Variants in SH3BP2 observed in about 807,000 individuals in gnomAD.
SH3BP2 encodes SH3 domain binding protein 2, also known as SH3 domain-binding protein 2.
In SH3BP2, 38 loss-of-function variants were observed where a neutral mutation model predicts 56.2. The ratio of observed to expected loss-of-function variants is 0.68; its 90% confidence interval spans 0.52 to 0.89. The LOEUF is 0.89. SH3BP2 is among the 40% of genes least tolerant of loss of function. The pLI, the probability that SH3BP2 is intolerant of heterozygous loss-of-function variation, is 0.00. For missense variants in SH3BP2, 748 were observed against 762.6 expected, an observed-to-expected ratio of 0.98 and a Z score of 0.23; for synonymous variants, 346 against 316.7, an observed-to-expected ratio of 1.09 and a Z score of -0.98.
intron 1 of SH3BP2, among the ~76,000 whole-genome samples, chr4:2,801,602 G>A (rs566367334): frequency 2.6e-5 from 4 of 152,280 alleles, no homozygotes; most frequent in Admixed American, 6.5e-5. Flanking sequence ...CTGGCCTGTC[G>A]CCTTGAGCCC....
chr4:2,802,508 GTA>G (rs1723334534), intron 1 of SH3BP2, among the ~76,000 whole-genome samples: 1 of 115,974 alleles, frequency 8.6e-6, no homozygotes, highest in African/African-American at 3.5e-5. Flanking sequence ...ATATATGTTT[GTA>G]TATATGTGTA....
intron 1 of SH3BP2, among the ~76,000 whole-genome samples, chr4:2,811,375 C>G (rs1330107168): frequency 6.6e-6 from 1 of 152,218 alleles, no homozygotes; most frequent in Non-Finnish European, 1.5e-5. Context: ...CTGTCACCCT[C>G]AAATCCTGCT....
At chr4:2,806,987 C>A (rs914827706) in intron 1 of SH3BP2, among the ~76,000 whole-genome samples, 1 of 152,242 alleles carries the variant, frequency 6.6e-6, no homozygotes, top group Non-Finnish European at 1.5e-5. Flanking sequence ...TTCTTAATTC[C>A]CTTTGTCCGT....
At chr4:2,794,758 G>A (rs943585103) in intron 1 of SH3BP2, among the ~76,000 whole-genome samples, 1 of 152,244 alleles carries the variant, frequency 6.6e-6, no homozygotes, top group African/African-American at 2.4e-5. Context: ...AGGGAGGACA[G>A]GCTCTGGGCC....
intron 1 of SH3BP2, chr4:2,818,425 C>A: frequency 8.9e-7 from 1 of 1,124,602 alleles, no homozygotes; most frequent in Non-Finnish European, 1.1e-6. Flanking sequence ...AGCCCCGGGA[C>A]CCGGGCCGCG....
chr4:2,804,863 C>T (rs576406618), intron 1 of SH3BP2, among the ~76,000 whole-genome samples: 17 of 152,242 alleles, frequency 1.1e-4, no homozygotes, highest in Non-Finnish European at 1.9e-4. Context: ...ACACTAGCCA[C>T]GCTGGCTGGG....
At position 2,831,866 on chromosome 4, in the gene SH3BP2, G is replaced by C; in HGVS notation, c.1351-57G>C. On this transcript the variant is annotated intron_variant, in intron 9 of 12. Transcript: ENST00000503393. The surrounding 1 kb of genome is among the most constrained non-coding windows in gnomAD (Gnocchi z 4.1). ...GCACCGGGTGGCCACCGTCCGGGGA[G>C]TGGTGGTGCGGGTGGATCACTCCGA... 2 of 1,575,848 alleles carry C rather than the reference G, an allele frequency of 1.3e-6. No homozygotes were observed. The highest frequency in any genetic ancestry group is 1.7e-6 in the Non-Finnish European group (2 of 1,149,516).
chr4:2,805,128 G>A (rs1253346463), intron 1 of SH3BP2, among the ~76,000 whole-genome samples: 2 of 152,212 alleles, frequency 1.3e-5, no homozygotes, highest in African/African-American at 2.4e-5. Flanking sequence ...GGAGGGTCTG[G>A]TTGGCGGGAG....
rs1723773349 is a variant in SH3BP2, at chr4:2,812,120, G to A, written c.-4-8494G>A. On this transcript the variant is annotated intron_variant, in intron 1 of 12. Transcript: ENST00000503393. ...CACAGGATGGGAGGGCAGGAGCAGT[G>A]GAAGGTAGGAGTTAAAACCCGGATG... 3.9e-5 allele frequency: 52 copies of A among 1,316,620 alleles called. No individual in the cohort carries two copies. The South Asian group carries it at 7.4e-4, about 19-fold the overall frequency. 81.6% of individuals were successfully genotyped at this position (1,316,620 alleles called of 1,614,324 possible). A position where few individuals can be genotyped will look rare whatever the true frequency, so the allele number is the denominator to read the frequency against.
At chr4:2,833,642 T>G in intron 12 of SH3BP2, 55 bp from the exon 13 acceptor site, 1 of 1,577,152 alleles carries the variant, frequency 6.3e-7, no homozygotes, top group South Asian at 1.2e-5. Flanking sequence ...GACTGAGGCC[T>G]AGAGCCGCAG....
At chr4:2,812,539 C>A (rs568220728) in intron 1 of SH3BP2, 20 of 1,514,108 alleles carry the variant, frequency 1.3e-5, no homozygotes, top group Non-Finnish European at 1.8e-5. Context: ...ACCTGAAGAA[C>A]CAGTAAGGGG....
intron 1 of SH3BP2, chr4:2,818,582 G>T: frequency 2.0e-6 from 1 of 512,568 alleles, no homozygotes; most frequent in Non-Finnish European, 2.7e-6. Flanking sequence ...GCCGGCACGG[G>T]GCTTGTCGAT....
In SH3BP2 at chr4:2,801,395, T is replaced by C. The variant is rs185163598; in HGVS notation, c.-5+8257T>C. On this transcript the variant is annotated intron_variant, in intron 1 of 12. Coordinates refer to ENST00000503393, the MANE Select transcript of SH3BP2 (RefSeq NM_001122681.2). ...CAGGCTGAGGAGGAACACACAGCTC[T>C]CGGTTCCCCAACCCGGGGTCTGGCC... is the stretch of plus-strand genomic sequence containing the variant. Among the ~76,000 whole-genome samples, 407 of 152,322 alleles carry C rather than the reference T, an allele frequency of 2.7e-3. 1 individual carries two copies. Among genetic ancestry groups the C allele is most frequent in the South Asian group, 0.014 (70 of 4,832 alleles).
At chr4:2,811,648 A>G (rs1223671290) in intron 1 of SH3BP2, 1 of 154,200 alleles carries the variant, frequency 6.5e-6, no homozygotes, top group East Asian at 1.9e-4. Flanking sequence ...CCACTCAGCC[A>G]TAATGTACTT....
chr4:2,818,569 C>G, intron 1 of SH3BP2: 1 of 500,076 alleles, frequency 2.0e-6, no homozygotes, highest in Non-Finnish European at 2.8e-6. Flanking sequence ...ATGGGGGACT[C>G]AGGCCGGCAC....
In SH3BP2 at chr4:2,839,408, G is replaced by A. The variant is rs533872377; in HGVS notation, c.*5574G>A. The A allele has an allele frequency of 2.6e-5, 4 of 152,276 alleles. No individual in the cohort carries two copies. The highest frequency in any genetic ancestry group is 5.9e-5 in the Non-Finnish European group (4 of 68,028). 9.4% of individuals were successfully genotyped at this position (152,276 alleles called of 1,614,324 possible). A position where few individuals can be genotyped will look rare whatever the true frequency, so the allele number is the denominator to read the frequency against. ...TGCTCTCAAACTCTTGAGCTCAAGCGATCTGCTGGCCTCAGCCTCCCAAAG... is the reference window on the plus strand; with the variant it reads ...TGCTCTCAAACTCTTGAGCTCAAGCAATCTGCTGGCCTCAGCCTCCCAAAG... On this transcript the variant is annotated 3_prime_UTR_variant, in exon 13 of 13. Coordinates refer to ENST00000503393, the MANE Select transcript of SH3BP2 (RefSeq NM_001122681.2).
intron 1 of SH3BP2, chr4:2,812,459 G>T (rs1472325207): frequency 6.5e-7 from 1 of 1,550,298 alleles, no homozygotes. Context: ...AGGGCCATGT[G>T]TTGGGTCAGC....
intron 1 of SH3BP2, among the ~76,000 whole-genome samples, chr4:2,797,864 C>A (rs771049535): frequency 2.6e-5 from 4 of 152,212 alleles, no homozygotes; most frequent in Non-Finnish European, 5.9e-5. Context: ...GGGCAACGGG[C>A]GGGCTGTGCC....
rs1210815515 is a variant in SH3BP2, at chr4:2,839,790, C to T, written c.*5956C>T. On this transcript the variant is annotated 3_prime_UTR_variant, in exon 13 of 13. Coordinates refer to ENST00000503393, the MANE Select transcript of SH3BP2 (RefSeq NM_001122681.2). ...ACTATGCCCCAGCTGGTCTCAAACT[C>T]CTAGACTCAATGAGCCTCCCATCTT... 2 of 151,716 alleles carry T rather than the reference C, an allele frequency of 1.3e-5. No individual in the cohort carries two copies. Among genetic ancestry groups the T allele is most frequent in the Admixed American group, 6.6e-5 (1 of 15,228 alleles). The allele number at this position is 151,716 out of a possible 1,614,324, so 9.4% of individuals were successfully genotyped here. A position where few individuals can be genotyped will look rare whatever the true frequency, so the allele number is the denominator to read the frequency against.
Sources: gnomAD v4.1 joint callset for allele counts (sites outside exome capture counted in the v4.1 genomes callset) on GRCh38, gnomAD v4.1.1 for gene constraint, Gnocchi (gnomAD v3.1) non-coding constraint, MANE v1.5 for transcripts, NCBI Gene and HGNC (gene_info 2026-07-23, HGNC 2026-07-21) for gene names.